Variants in NAALADL2 observed in about 807,000 individuals in gnomAD.
NAALADL2 encodes the protein inactive N-acetylated-alpha-linked acidic dipeptidase-like protein 2.
NAALADL2 carries 76 observed loss-of-function variants against 87.2 expected under a neutral mutation model. The observed-to-expected ratio is 0.87, with a 90% CI of 0.72 to 1.05. The LOEUF (loss-of-function observed/expected upper bound fraction) is 1.05. Ranked by LOEUF, NAALADL2 falls within the 50% of genes least tolerant of loss-of-function variation. The pLI is 0.00. For synonymous variants in NAALADL2, 354 were observed against 331.0 expected, an observed-to-expected ratio of 1.07 and a Z score of -0.75; for missense variants, 1,089 against 945.8, an observed-to-expected ratio of 1.15 and a Z score of -1.99.
intron 12 of NAALADL2, 61 bp from the exon 13 acceptor site, chr3:175,755,159 A>C (rs1747098256): frequency 3.5e-6 from 5 of 1,415,188 alleles, no homozygotes; most frequent in Non-Finnish European, 4.9e-6. Context: ...CTGATTGGAA[A>C]ATGCTTATTT....
intron 4 of NAALADL2, among the ~76,000 whole-genome samples, chr3:175,276,578 C>T (rs1336357620): frequency 6.6e-6 from 1 of 152,126 alleles, no homozygotes; most frequent in Non-Finnish European, 1.5e-5. Context: ...GCTGGGATTA[C>T]AGGCGTGAGC....
intron 2 of NAALADL2, among the ~76,000 whole-genome samples, chr3:175,131,711 A>G (rs1231165944): frequency 6.6e-6 from 1 of 151,718 alleles, no homozygotes; most frequent in Non-Finnish European, 1.5e-5. Context: ...ACTTCCCAGT[A>G]GGGGTGGCCG....
At chr3:174,600,528 T>C (rs2108608727) in intron 2 of NAALADL2, among the ~76,000 whole-genome samples, 1 of 152,276 alleles carries the variant, frequency 6.6e-6, no homozygotes, top group Non-Finnish European at 1.5e-5. Context: ...AAGAGTCAAA[T>C]ATAATTCTTA....
At chr3:175,026,410 G>A (rs2108889033) in intron 1 of NAALADL2, among the ~76,000 whole-genome samples, 1 of 151,308 alleles carries the variant, frequency 6.6e-6, no homozygotes. Context: ...ACTTTGGGAG[G>A]CTGAGGCAGG....
chr3:175,631,025 T>C (rs1727688936), intron 11 of NAALADL2, among the ~76,000 whole-genome samples: 1 of 151,436 alleles, frequency 6.6e-6, no homozygotes, highest in Admixed American at 6.6e-5. Context: ...CAATCACATA[T>C]TTTATATTAC....
chr3:174,608,048 A>C (rs1462120891), intron 2 of NAALADL2, among the ~76,000 whole-genome samples: 1 of 152,258 alleles, frequency 6.6e-6, no homozygotes, highest in South Asian at 2.1e-4. Context: ...AAACTGAACA[A>C]CCTGCTTCTG....
chr3:175,394,723 A>G (rs116332239), intron 5 of NAALADL2, among the ~76,000 whole-genome samples: 3,099 of 152,256 alleles, frequency 0.02, 106 homozygotes, highest in African/African-American at 0.071. Context: ...GCCTGAAACC[A>G]CAGATATTAC....
Position 175,530,377 on chromosome 3 carries a change from T to C in NAALADL2, c.1654-45664T>C, listed in dbSNP as rs559884810. 4.6e-5 allele frequency among the ~76,000 whole-genome samples: 7 copies of C among 152,328 alleles called. No individual in the cohort carries two copies. In the South Asian group the frequency reaches 1.5e-3, roughly 32 times the overall value. ...AGTCACTGACCATCCAGCCAAACCA[T>C]TGGCTACAGCCCATGAATCAGTATG... On this transcript the variant is annotated intron_variant, in intron 9 of 13. Coordinates refer to ENST00000454872, the MANE Select transcript of NAALADL2 (RefSeq NM_207015.3).
intron 13 of NAALADL2, among the ~76,000 whole-genome samples, chr3:175,796,824 A>G (rs536235310): frequency 1.3e-5 from 2 of 152,334 alleles, no homozygotes; most frequent in Non-Finnish European, 2.9e-5. Flanking sequence ...TCCTGTGCCC[A>G]TTTATGAATA....
At chr3:175,718,066 G>A (rs889181755) in intron 11 of NAALADL2, among the ~76,000 whole-genome samples, 1 of 151,668 alleles carries the variant, frequency 6.6e-6, no homozygotes, top group Non-Finnish European at 1.5e-5. Flanking sequence ...AGTATCTTAA[G>A]ATAAATTTCC....
chr3:175,324,245 C>T lies in NAALADL2; in HGVS notation c.1010C>T (p.Thr337Ile), dbSNP rs200244455. Reference sequence around the variant, plus strand: ...ATCGATCCTTGTGATTTGCCAAAGACTGTGAATCCTAGCCATGATACCTTC... The same window carrying T: ...ATCGATCCTTGTGATTTGCCAAAGATTGTGAATCCTAGCCATGATACCTTC... The part of the protein sequence containing the change: ...LYIDPCDLPK[T>I]VNPSHDTFMV... Residue 337 changes from threonine to isoleucine, a missense_variant, in exon 5 of 14, where the codon ACT (threonine) becomes ATT (isoleucine). Coordinates refer to ENST00000454872, the MANE Select transcript of NAALADL2 (RefSeq NM_207015.3). 31 of 1,613,598 alleles carry T rather than the reference C, an allele frequency of 1.9e-5. No individual in the cohort carries two copies. The highest frequency in any genetic ancestry group is 2.6e-5 in the Non-Finnish European group (31 of 1,179,646).
chr3:174,662,564 A>G (rs925127969), intron 2 of NAALADL2, among the ~76,000 whole-genome samples: 1 of 152,202 alleles, frequency 6.6e-6, no homozygotes, highest in Admixed American at 6.5e-5. Flanking sequence ...AAGCAAGGCA[A>G]GATAACTTGA....
upstream of NAALADL2, among the ~76,000 whole-genome samples, chr3:174,856,221 G>T (rs1317561945): frequency 6.6e-6 from 1 of 151,944 alleles, no homozygotes; most frequent in Non-Finnish European, 1.5e-5. Flanking sequence ...GACCAGGGTG[G>T]TCTTGAACTC....
intron 1 of NAALADL2, among the ~76,000 whole-genome samples, chr3:175,084,061 A>T (rs1046080369): frequency 6.6e-6 from 1 of 152,202 alleles, no homozygotes; most frequent in Admixed American, 6.5e-5. Flanking sequence ...TGAAGGTCTT[A>T]TATGCTTTGG....
intron 10 of NAALADL2, among the ~76,000 whole-genome samples, chr3:175,576,716 C>G (rs1478777699): frequency 6.6e-6 from 1 of 152,128 alleles, no homozygotes; most frequent in East Asian, 1.9e-4. Flanking sequence ...CTCTGTTCAT[C>G]CATCTTTTGG....
chr3:175,158,924 A>T (rs1224750446), intron 2 of NAALADL2, among the ~76,000 whole-genome samples: 1 of 152,260 alleles, frequency 6.6e-6, no homozygotes, highest in Middle Eastern at 3.4e-3. Flanking sequence ...AAAATTTACT[A>T]AACTTTCACT....
At chr3:175,377,908 C>G (rs1767343801) in intron 5 of NAALADL2, among the ~76,000 whole-genome samples, 1 of 152,164 alleles carries the variant, frequency 6.6e-6, no homozygotes, top group Non-Finnish European at 1.5e-5. Context: ...AGCTCCTCTT[C>G]CTACTGAGAG....
chr3:175,715,113 A>T (rs947817543), intron 11 of NAALADL2, among the ~76,000 whole-genome samples: 1 of 152,190 alleles, frequency 6.6e-6, no homozygotes, highest in Non-Finnish European at 1.5e-5. Context: ...CATACGTGGA[A>T]CCTTTCTTTA....
At chr3:175,346,875 C>T (rs572068360) in intron 5 of NAALADL2, among the ~76,000 whole-genome samples, 1 of 152,272 alleles carries the variant, frequency 6.6e-6, no homozygotes, top group South Asian at 2.1e-4. Flanking sequence ...TGACCAACTA[C>T]TTTACAAAAC....
Sources: gnomAD v4.1 joint callset for allele counts (sites outside exome capture counted in the v4.1 genomes callset) on GRCh38, gnomAD v4.1.1 for gene constraint, MANE v1.5 for transcripts, NCBI Gene and HGNC (gene_info 2026-07-23, HGNC 2026-07-21) for gene names.